Variants in ANKAR observed in about 807,000 individuals in gnomAD.
The protein encoded by ANKAR is ankyrin and armadillo repeat containing, also known as ankyrin and armadillo repeat-containing protein.
ANKAR carries 136 observed loss-of-function variants against 146.2 expected under a neutral mutation model. The ratio of observed to expected loss-of-function variants is 0.93; its 90% CI spans 0.81 to 1.07. The LOEUF is 1.07. ANKAR is among the 50% of genes least tolerant of loss of function. The pLI is 0.00. For synonymous variants in ANKAR, 500 were observed against 575.8 expected (o/e 0.87, Z 1.88); for missense variants, 1,567 against 1,679.9 (o/e 0.93, Z 1.18).
chr2:189,750,499 T>C, downstream of ANKAR: 2 of 720,956 alleles, frequency 2.8e-6, no homozygotes, highest in Non-Finnish European at 2.3e-6. Context: ...ATATATCTTC[T>C]ACAATTTGAT....
chr2:189,714,490 A>T (rs1343634425), intron 10 of ANKAR, among the ~76,000 whole-genome samples: 1 of 152,248 alleles, frequency 6.6e-6, no homozygotes, highest in African/African-American at 2.4e-5. Flanking sequence ...TGGAAACTGA[A>T]CAACCTGCTC....
intron 2 of ANKAR, among the ~76,000 whole-genome samples, chr2:189,684,274 A>T (rs1489381007): frequency 1.6e-3 from 3 of 1,914 alleles, no homozygotes; most frequent in Non-Finnish European, 2.5e-3. Flanking sequence ...ACCCCACACC[A>T]CTGTCCACTT....
intron 11 of ANKAR, 33 bp from the exon 12 acceptor site, chr2:189,720,586 A>C (rs868147617): frequency 7.7e-7 from 1 of 1,295,206 alleles, no homozygotes. Flanking sequence ...ATCTTAAACA[A>C]ATTCAAATGT....
intron 10 of ANKAR, among the ~76,000 whole-genome samples, chr2:189,715,169 C>A (rs1304835579): frequency 6.6e-6 from 1 of 151,722 alleles, no homozygotes; most frequent in Non-Finnish European, 1.5e-5. Flanking sequence ...TTGAAAAGAT[C>A]AACAAAACTG....
downstream of ANKAR, among the ~76,000 whole-genome samples, chr2:189,748,558 ATAT>A (rs1411696095): frequency 2.0e-5 from 3 of 152,222 alleles, no homozygotes; most frequent in African/African-American, 7.2e-5. Context: ...TTTAATCTTC[ATAT>A]TTACTTCTAA....
chr2:189,719,455 CATA>C, intron 10 of ANKAR, 114 bp from the exon 11 acceptor site: 1 of 737,538 alleles, frequency 1.4e-6, no homozygotes, highest in East Asian at 3.5e-5. Context: ...AGAATTATTT[CATA>C]ATTATTTATA....
chr2:189,750,648 A>C, downstream of ANKAR: 1 of 1,581,588 alleles, frequency 6.3e-7, no homozygotes, highest in Non-Finnish European at 8.6e-7. Flanking sequence ...GTCTACTCCA[A>C]GAGGACATCT....
At chr2:189,717,374 A>G (rs1311493004) in intron 10 of ANKAR, among the ~76,000 whole-genome samples, 2 of 152,188 alleles carry the variant, frequency 1.3e-5, no homozygotes, top group Non-Finnish European at 2.9e-5. Flanking sequence ...ATGCAAATCA[A>G]AACAACAATG....
Position 189,689,606 on chromosome 2 carries a change from C to T in ANKAR, c.681C>T (p.Pro227=). The change falls in exon 3 of 23, where the codon CCC becomes CCT. Residue 227 remains proline, a synonymous_variant. Coordinates refer to ENST00000684021, the MANE Select transcript of ANKAR (RefSeq NM_001378068.1). ...EDVNEDPTYD[P]NSPEETAVFM... is the part of the protein sequence containing the mutation. ...TGAATGAAGATCCAACATATGATCCCAACAGCCCTGAAGAAACAGCTGTAT... is the reference window on the plus strand; with the variant it reads ...TGAATGAAGATCCAACATATGATCCTAACAGCCCTGAAGAAACAGCTGTAT... 1 of 1,613,394 alleles carries T rather than the reference C, an allele frequency of 6.2e-7. No individual in the cohort carries two copies. The highest frequency in any genetic ancestry group is 2.2e-5 in the East Asian group (1 of 44,790).
At chr2:189,739,172 G>C (rs540342130) in intron 19 of ANKAR, among the ~76,000 whole-genome samples, 2 of 152,284 alleles carry the variant, frequency 1.3e-5, no homozygotes, top group African/African-American at 4.8e-5. Context: ...TTGTATAACT[G>C]TGTCTACTGC....
At chr2:189,757,476 A>G (rs1370444816) in intron 18 of ANKAR, among the ~76,000 whole-genome samples, 2 of 152,264 alleles carry the variant, frequency 1.3e-5, no homozygotes, top group Admixed American at 1.3e-4. Flanking sequence ...GCTTGTATTC[A>G]GCCCTTGCTA....
intron 12 of ANKAR, among the ~76,000 whole-genome samples, chr2:189,724,606 T>G (rs1240414691): frequency 1.3e-5 from 2 of 152,168 alleles, no homozygotes; most frequent in African/African-American, 4.8e-5. Flanking sequence ...AATAAATGAT[T>G]AGATGATTAA....
At chr2:189,707,216 G>A (rs1407121950) in intron 9 of ANKAR, 70 bp downstream of exon 9, 14 of 800,284 alleles carry the variant, frequency 1.7e-5, no homozygotes, top group Middle Eastern at 4.0e-4. Flanking sequence ...CTCTGAAAGA[G>A]AGAAAATAAA....
chr2:189,745,347 T>C (rs560383089), intron 22 of ANKAR, among the ~76,000 whole-genome samples: 2 of 152,312 alleles, frequency 1.3e-5, no homozygotes, highest in African/African-American at 4.8e-5. Flanking sequence ...ACTCCTGTCT[T>C]ATTTTGCTTT....
chr2:189,746,629 A>G lies in ANKAR; in HGVS notation c.*2A>G. The G allele has an allele frequency of 6.4e-7, 1 of 1,572,962 alleles. No homozygotes were observed. Among genetic ancestry groups the G allele is most frequent in the Non-Finnish European group, 8.6e-7 (1 of 1,167,116 alleles). On this transcript the variant is annotated 3_prime_UTR_variant, in exon 23 of 23. Coordinates refer to ENST00000684021, the MANE Select transcript of ANKAR (RefSeq NM_001378068.1). ...AACCCAGAGCCTGCAGAAGGCTAAT[A>G]AAACATTTTAGAATGAAAGGATTCC...
intron 2 of ANKAR, among the ~76,000 whole-genome samples, chr2:189,681,478 G>GT (rs1206291297): frequency 6.6e-6 from 1 of 152,194 alleles, no homozygotes; most frequent in African/African-American, 2.4e-5. Context: ...GGTGCACCTG[G>GT]TAAGGGGATC....
At chr2:189,759,546 A>G (rs1401760966) in intron 18 of ANKAR, among the ~76,000 whole-genome samples, 1 of 152,098 alleles carries the variant, frequency 6.6e-6, no homozygotes, top group Non-Finnish European at 1.5e-5. Flanking sequence ...CACAGCGCCC[A>G]GCCAATTTTC....
chr2:189,688,378 G>A (rs977994469), intron 2 of ANKAR, among the ~76,000 whole-genome samples: 1 of 152,174 alleles, frequency 6.6e-6, no homozygotes, highest in Non-Finnish European at 1.5e-5. Context: ...AATATACTTT[G>A]AAGTCAGGTA....
chr2:189,758,053 T>G (rs2046346870), intron 18 of ANKAR, among the ~76,000 whole-genome samples: 1 of 152,128 alleles, frequency 6.6e-6, no homozygotes, highest in Admixed American at 6.5e-5. Flanking sequence ...TGGTACTGTG[T>G]CGCGATAGTC....
Sources: gnomAD v4.1 joint callset for allele counts (sites outside exome capture counted in the v4.1 genomes callset) on GRCh38, gnomAD v4.1.1 for gene constraint, MANE v1.5 for transcripts, NCBI Gene and HGNC (gene_info 2026-07-23, HGNC 2026-07-21) for gene names.